CCSER1: variants seen among roughly 807,000 people sequenced by gnomAD.
CCSER1 encodes coiled-coil serine rich protein 1, also known as serine-rich coiled-coil domain-containing protein 1.
In CCSER1, 41 loss-of-function variants were observed where a neutral mutation model predicts 82.0. That is an observed-to-expected ratio of 0.50 (90% CI 0.39 to 0.65). The LOEUF (loss-of-function observed/expected upper bound fraction) is 0.65. CCSER1 is among the 30% of genes least tolerant of loss of function. The probability of loss-of-function intolerance (pLI) is 0.00; values close to 1 mark genes in which losing one functional copy is unlikely to be tolerated. For missense variants in CCSER1, 1,119 were observed against 1,064.2 expected (o/e 1.05, Z -0.72); for synonymous variants, 414 against 383.9 (o/e 1.08, Z -0.92).
intron 3 of CCSER1, among the ~76,000 whole-genome samples, chr4:90,357,179 TTAA>T (rs1744523582): frequency 6.6e-6 from 1 of 151,942 alleles, no homozygotes; most frequent in Non-Finnish European, 1.5e-5. Flanking sequence ...AAAATATTAC[TTAA>T]TAATCACTTC....
At chr4:90,689,753 A>G (rs1226350854) in intron 6 of CCSER1, among the ~76,000 whole-genome samples, 1 of 152,144 alleles carries the variant, frequency 6.6e-6, no homozygotes, top group East Asian at 1.9e-4. Flanking sequence ...GCCAATGGAG[A>G]GAATTCAGTG....
chr4:90,996,265 A>G (rs2035116), intron 9 of CCSER1, among the ~76,000 whole-genome samples: 41,554 of 151,976 alleles, frequency 0.27, 6,887 homozygotes, highest in East Asian at 0.39. Context: ...TATTTTAATA[A>G]GGCAATCTTT....
intron 5 of CCSER1, among the ~76,000 whole-genome samples, chr4:90,490,779 A>G (rs552384811): frequency 6.6e-6 from 1 of 152,124 alleles, no homozygotes; most frequent in African/African-American, 2.4e-5. Context: ...TAAATAGGGA[A>G]TCCTTTCCCT....
intron 1 of CCSER1, among the ~76,000 whole-genome samples, chr4:90,171,458 C>A (rs577256420): frequency 5.3e-5 from 8 of 152,042 alleles, no homozygotes; most frequent in Admixed American, 1.3e-4. Flanking sequence ...TATTATATAT[C>A]ATTTACTTAA....
chr4:90,236,069 A>G (rs1745735044), intron 1 of CCSER1, among the ~76,000 whole-genome samples: 1 of 151,976 alleles, frequency 6.6e-6, no homozygotes, highest in Admixed American at 6.6e-5. Flanking sequence ...AGTGCCCCCA[A>G]GTAGCTGGGA....
chr4:90,589,633 A>G (rs1782452727), intron 5 of CCSER1, among the ~76,000 whole-genome samples: 1 of 152,104 alleles, frequency 6.6e-6, no homozygotes, highest in Non-Finnish European at 1.5e-5. Flanking sequence ...TTATGATAAA[A>G]TGTTGCTATA....
At chr4:91,564,693 G>C (rs533878573) in intron 10 of CCSER1, among the ~76,000 whole-genome samples, 1 of 151,940 alleles carries the variant, frequency 6.6e-6, no homozygotes, top group African/African-American at 2.4e-5. Flanking sequence ...GCCTTCTTTA[G>C]AGAAGTGTTT....
At chr4:90,304,448 C>G (rs1431069080) in intron 1 of CCSER1, among the ~76,000 whole-genome samples, 1 of 152,178 alleles carries the variant, frequency 6.6e-6, no homozygotes. Flanking sequence ...CACATATACA[C>G]CATGGAATAC....
At chr4:90,529,951 A>ATATT (rs376043950) in intron 5 of CCSER1, among the ~76,000 whole-genome samples, 50 of 127,146 alleles carry the variant, frequency 3.9e-4, no homozygotes, top group African/African-American at 1.4e-3. Flanking sequence ...ATATATATAT[A>ATATT]TTTTTTTTTT....
rs186113146 is a variant in CCSER1, at chr4:90,245,014, T to C, written c.-41-63230T>C. Among the ~76,000 whole-genome samples the C allele has an allele frequency of 2.0e-5, 3 of 152,232 alleles. No individual in the cohort carries two copies. The East Asian group carries it at 5.8e-4, about 29-fold the overall frequency. The stretch of plus-strand genomic sequence containing the variant: ...TTCTTCACTTACAAAATAAAAATAA[T>C]ACTATCTCTTCATGTAAGGTTTTTA... On this transcript the variant is annotated intron_variant, in intron 1 of 10. Transcript: ENST00000509176.
At chr4:90,183,571 A>G (rs964713561) in intron 1 of CCSER1, among the ~76,000 whole-genome samples, 7 of 152,158 alleles carry the variant, frequency 4.6e-5, no homozygotes, top group Non-Finnish European at 1.0e-4. Flanking sequence ...ACACTCGTGC[A>G]AGAATGCATG....
At chr4:90,968,344 A>C (rs1734768318) in intron 9 of CCSER1, among the ~76,000 whole-genome samples, 1 of 152,034 alleles carries the variant, frequency 6.6e-6, no homozygotes, top group South Asian at 2.1e-4. Flanking sequence ...CAACTAACCC[A>C]CACATGCCCC....
chr4:90,619,609 T>G (rs957646398), intron 5 of CCSER1, among the ~76,000 whole-genome samples: 1 of 152,078 alleles, frequency 6.6e-6, no homozygotes, highest in African/African-American at 2.4e-5. Flanking sequence ...TGCTCTCAAC[T>G]TTCTGTCAGT....
At chr4:91,256,276 G>A (rs1196657191) in intron 10 of CCSER1, among the ~76,000 whole-genome samples, 4 of 152,096 alleles carry the variant, frequency 2.6e-5, no homozygotes, top group Admixed American at 2.0e-4. Context: ...GCGAATTCTA[G>A]TCAGACCGGT....
intron 10 of CCSER1, among the ~76,000 whole-genome samples, chr4:91,488,801 G>A (rs1291088817): frequency 6.6e-6 from 1 of 152,112 alleles, no homozygotes; most frequent in African/African-American, 2.4e-5. Flanking sequence ...CTTTATAGCA[G>A]TGCTAGAATG....
chr4:91,368,793 C>T (rs1226774745), intron 10 of CCSER1, among the ~76,000 whole-genome samples: 2 of 152,068 alleles, frequency 1.3e-5, no homozygotes, highest in Admixed American at 6.6e-5. Flanking sequence ...ATAAAGTTTA[C>T]AAAAATTTCC....
At chr4:91,268,784 G>A (rs369681990) in intron 10 of CCSER1, among the ~76,000 whole-genome samples, 2 of 152,204 alleles carry the variant, frequency 1.3e-5, no homozygotes, top group South Asian at 2.1e-4. Flanking sequence ...TCTGAGCCAG[G>A]AGAAGGAATT....
chr4:91,045,745 T>C (rs965741085), intron 9 of CCSER1, among the ~76,000 whole-genome samples: 3 of 152,034 alleles, frequency 2.0e-5, no homozygotes, highest in African/African-American at 7.3e-5. Flanking sequence ...TTTCATTATA[T>C]AGTTAGACAA....
intron 1 of CCSER1, among the ~76,000 whole-genome samples, chr4:90,207,280 G>A (rs1235158876): frequency 6.6e-6 from 1 of 152,088 alleles, no homozygotes; most frequent in Non-Finnish European, 1.5e-5. Context: ...CTGCTGGATT[G>A]ATTTGTCTGT....
Sources: gnomAD v4.1 joint callset for allele counts (sites outside exome capture counted in the v4.1 genomes callset) on GRCh38, gnomAD v4.1.1 for gene constraint, MANE v1.5 for transcripts, NCBI Gene and HGNC (gene_info 2026-07-23, HGNC 2026-07-21) for gene names.